Variants in AK5 observed in about 807,000 individuals in gnomAD.
The protein encoded by AK5 is adenylate kinase 5.
Under a neutral mutation model 69.5 loss-of-function variants are expected in AK5, and 27 were observed. That is an observed-to-expected ratio of 0.39 (90% CI 0.29 to 0.54). The LOEUF (loss-of-function observed/expected upper bound fraction) is 0.54. AK5 is among the 20% of genes least tolerant of loss of function. AK5 has a pLI of 0.71. For missense variants in AK5, 531 were observed against 700.4 expected (o/e 0.76, Z 2.73); for synonymous variants, 260 against 244.4 (o/e 1.06, Z -0.60).
intron 6 of AK5, among the ~76,000 whole-genome samples, chr1:77,378,065 C>A (rs564361583): frequency 3.9e-5 from 6 of 152,082 alleles, no homozygotes; most frequent in Non-Finnish European, 7.4e-5. Context: ...TCTCTAACAT[C>A]GGGTATATGT....
chr1:77,501,055 C>G (rs1426529399), intron 10 of AK5, among the ~76,000 whole-genome samples: 1 of 152,110 alleles, frequency 6.6e-6, no homozygotes, highest in Non-Finnish European at 1.5e-5. Flanking sequence ...GAGTCTCTTC[C>G]TAGAAAAGCT....
intron 11 of AK5, among the ~76,000 whole-genome samples, chr1:77,520,202 CA>C (rs377135288): frequency 0.45 from 49,393 of 110,170 alleles, 9,053 homozygotes; most frequent in East Asian, 0.62. Flanking sequence ...AACTCCATCT[CA>C]AAAAAAAAAA....
In AK5 at chr1:77,282,364, G is replaced by A; in HGVS notation, c.51G>A (p.Gln17=). 3 of 1,553,412 alleles carry A rather than the reference G, an allele frequency of 1.9e-6. No individual in the cohort carries two copies. The highest frequency in any genetic ancestry group is 2.6e-6 in the Non-Finnish European group (3 of 1,148,728). Residue 17 remains glutamine (Q), a synonymous_variant, in exon 1 of 14, where the codon CAG becomes CAA. Coordinates refer to ENST00000354567, the MANE Select transcript of AK5 (RefSeq NM_174858.3). ...KEYLARREIP[Q]LFESLLNGLM... Reference sequence around the variant, plus strand: ...ATCTGGCCCGGAGGGAAATCCCTCAGCTTTTTGAGGTAGGGCTAGAGCTGG... The same window carrying A: ...ATCTGGCCCGGAGGGAAATCCCTCAACTTTTTGAGGTAGGGCTAGAGCTGG...
At chr1:77,292,263 G>A (rs1339635140) in intron 2 of AK5, among the ~76,000 whole-genome samples, 2 of 152,210 alleles carry the variant, frequency 1.3e-5, no homozygotes, top group Admixed American at 1.3e-4. Context: ...GGATACTGTT[G>A]TTGGTGCTTT....
At chr1:77,405,995 C>T (rs1017444136) in intron 6 of AK5, among the ~76,000 whole-genome samples, 2 of 152,190 alleles carry the variant, frequency 1.3e-5, no homozygotes, top group Non-Finnish European at 2.9e-5. Flanking sequence ...CTGGCTAAAA[C>T]ATAAATCTTT....
Position 77,367,823 on chromosome 1 carries a change from A to ATATAT in AK5, c.891+27256_891+27260dup, listed in dbSNP as rs1375836379. 6.7e-3 allele frequency among the ~76,000 whole-genome samples: 232 copies of ATATAT among 34,422 alleles called. 79 individuals carry two copies. The highest frequency in any genetic ancestry group is 0.011 in the Admixed American group (18 of 1,712). 22.6% of individuals were successfully genotyped at this position (34,422 alleles called of 152,430 possible). ...ATATATAATATATGTTATATATATT[A>ATATAT]TATATAATATATGTTATATATATTA... On this transcript the variant is annotated intron_variant, in intron 6 of 13. Coordinates refer to ENST00000354567, the MANE Select transcript of AK5 (RefSeq NM_174858.3).
At chr1:77,398,882 A>T (rs1174645202) in intron 6 of AK5, among the ~76,000 whole-genome samples, 1 of 152,162 alleles carries the variant, frequency 6.6e-6, no homozygotes, top group Non-Finnish European at 1.5e-5. Context: ...TAGGTGGTAT[A>T]CGAGATTGGG....
In AK5 at chr1:77,539,580, C is replaced by A. The variant is rs554672023; in HGVS notation, c.1620+3542C>A. ...CTGGGCCCAGGAAGCTGAGATTTGT[C>A]TGCAGGTACCCGTGGGGTTTGCCAG... On this transcript the variant is annotated intron_variant, in intron 13 of 13. Transcript: ENST00000354567. 5.9e-5 allele frequency among the ~76,000 whole-genome samples: 9 copies of A among 152,306 alleles called. No homozygotes were observed. The South Asian group carries it at 1.7e-3, about 28-fold the overall frequency.
At chr1:77,476,593 G>A (rs77940001) in intron 8 of AK5, among the ~76,000 whole-genome samples, 69 of 152,060 alleles carry the variant, frequency 4.5e-4, no homozygotes, top group Admixed American at 7.9e-4. Flanking sequence ...GCCCCTCCCT[G>A]CTCACCATAC....
At chr1:77,492,747 G>A (rs574758005) in intron 10 of AK5, among the ~76,000 whole-genome samples, 28 of 152,336 alleles carry the variant, frequency 1.8e-4, no homozygotes, top group Non-Finnish European at 4.0e-4. Context: ...TAACTAAAAG[G>A]AAAGTCTGTG....
chr1:77,443,311 A>G (rs111501937), intron 8 of AK5, among the ~76,000 whole-genome samples: 8,413 of 152,118 alleles, frequency 0.055, 318 homozygotes, highest in Middle Eastern at 0.13. Flanking sequence ...TTACTCCCTA[A>G]CTGTCTCCTG....
chr1:77,541,269 CA>C (rs1048457548), intron 13 of AK5, among the ~76,000 whole-genome samples: 84 of 152,076 alleles, frequency 5.5e-4, no homozygotes, highest in African/African-American at 1.9e-3. Context: ...ACAAAAAATA[CA>C]AAAGTTAGCC....
intron 8 of AK5, among the ~76,000 whole-genome samples, chr1:77,450,392 A>G (rs777889432): frequency 2.0e-5 from 3 of 152,236 alleles, no homozygotes; most frequent in African/African-American, 7.2e-5. Flanking sequence ...CACACTGCTC[A>G]TAAAGACAAA....
chr1:77,382,113 A>T (rs1647678860), intron 6 of AK5, among the ~76,000 whole-genome samples: 1 of 152,146 alleles, frequency 6.6e-6, no homozygotes, highest in African/African-American at 2.4e-5. Flanking sequence ...CATTCTTTTC[A>T]TTAAGAAATC....
chr1:77,522,038 T>G (rs1451523523), intron 12 of AK5, 95 bp downstream of exon 12: 1 of 1,000,318 alleles, frequency 1.0e-6, no homozygotes, highest in East Asian at 2.6e-5. Context: ...CCCAATTACA[T>G]TAATGAAAAC....
chr1:77,339,139 C>T (rs1250177246), intron 5 of AK5, among the ~76,000 whole-genome samples: 4 of 152,206 alleles, frequency 2.6e-5, no homozygotes, highest in Non-Finnish European at 5.9e-5. Flanking sequence ...AATGTGCATT[C>T]TGCACTAGTA....
At chr1:77,526,739 G>A (rs557668454) in intron 12 of AK5, among the ~76,000 whole-genome samples, 23 of 151,138 alleles carry the variant, frequency 1.5e-4, no homozygotes, top group African/African-American at 5.6e-4. Context: ...CTCCCAAAGT[G>A]CTGGGATTAC....
chr1:77,498,256 A>T (rs143129318), intron 10 of AK5, among the ~76,000 whole-genome samples: 2 of 152,366 alleles, frequency 1.3e-5, no homozygotes, highest in Non-Finnish European at 2.9e-5. Flanking sequence ...GACTGGTGAC[A>T]GCAGTTCCAG....
chr1:77,484,820 C>A (rs886364752), intron 9 of AK5, among the ~76,000 whole-genome samples: 7 of 152,168 alleles, frequency 4.6e-5, no homozygotes, highest in African/African-American at 1.4e-4. Context: ...ATATAAGTAT[C>A]TCCAAATGTT....
Sources: allele counts gnomAD v4.1 joint callset (sites outside exome capture counted in the v4.1 genomes callset), GRCh38; gene constraint gnomAD v4.1.1; transcripts MANE v1.5; gene names NCBI Gene and HGNC (gene_info 2026-07-23, HGNC 2026-07-21).